The following JPH4 variants were observed in gnomAD, a reference collection of about 807,000 sequenced individuals.
JPH4 encodes the protein junctophilin-4.
JPH4 carries 18 observed loss-of-function variants against 57.6 expected under a neutral mutation model. That is an observed-to-expected ratio of 0.31 (90% CI 0.22 to 0.46). The LOEUF is 0.46. Among genes scored for constraint, JPH4 ranks in the 20% least tolerant of loss-of-function variants. The pLI is 1.00. For synonymous variants in JPH4, 425 were observed against 406.6 expected (o/e 1.05, Z -0.54); for missense variants, 727 against 911.1 (o/e 0.80, Z 2.60).
Position 23,569,503 on chromosome 14 carries a change from C to T in JPH4, c.*131G>A. The T allele has an allele frequency of 1.4e-6, 1 of 695,498 alleles. No homozygotes were observed. The highest frequency in any genetic ancestry group is 2.6e-6 in the Non-Finnish European group (1 of 387,616). 43.1% of individuals were successfully genotyped at this position (695,498 alleles called of 1,614,324 possible). On this transcript the variant is annotated 3_prime_UTR_variant, in exon 6 of 6. Coordinates refer to ENST00000356300, the MANE Select transcript of JPH4 (RefSeq NM_001146028.2). This position sits in a 1 kb window ranked among gnomAD's most constrained non-coding sequence, Gnocchi z 4.8. ...AAAGCGAGAGAAAAAAACAAAGGAG[C>T]ACAGAAAAGAAAGGAAGAAGAGAAA...
chr14:23,569,753 G>C lies in JPH4; in HGVS notation c.1804-36C>G. On this transcript the variant is annotated intron_variant, in intron 5 of 5. Coordinates refer to ENST00000356300, the MANE Select transcript of JPH4 (RefSeq NM_001146028.2). This position sits in a 1 kb window ranked among gnomAD's most constrained non-coding sequence, Gnocchi z 4.8. ...AGAGGGGGAAGCAGACTCAGTCCCC[G>C]AGGACAGGGCCCACCTTCCTGCCCT... 1 of 1,428,694 alleles carries C rather than the reference G, an allele frequency of 7.0e-7. No homozygotes were observed. The allele number at this position is 1,428,694 out of a possible 1,614,324, so 88.5% of individuals were successfully genotyped here.
rs768893096 is a variant in JPH4 at position 23,571,815 on chromosome 14, C to T, written c.1257G>A (p.Met419Ile). Residue 419 changes from methionine to isoleucine, a missense_variant, in exon 4 of 6, where the codon ATG becomes ATA. This residue lies in a region of JPH4 where 293 missense variants were observed against 279.8 expected (regional missense o/e 1.05). Coordinates refer to ENST00000356300, the MANE Select transcript of JPH4 (RefSeq NM_001146028.2). This position sits in a 1 kb window ranked among gnomAD's most constrained non-coding sequence, Gnocchi z 4.6. ...AKLIAQDLQPMLEAPGRRPRQ... is the reference protein window; with the variant it reads ...AKLIAQDLQPILEAPGRRPRQ... ...TCCATGCCTCACCTGGGGCCTCTAG[C>T]ATGGGCTGCAGGTCCTGGGCTATCA... 2.5e-6 allele frequency: 4 copies of T among 1,612,588 alleles called. No homozygotes were observed. The African/African-American group carries it at 5.3e-5, about 22-fold the overall frequency.
In JPH4 at chr14:23,571,268, G is replaced by C. The variant is rs781359993; in HGVS notation, c.1463C>G (p.Pro488Arg). The C allele has an allele frequency of 4.4e-6, 7 of 1,605,546 alleles. No homozygotes were observed. The South Asian group carries it at 7.8e-5, about 18-fold the overall frequency. ...SPLPPGGDQG[P>R]FSSPKAWPEE... The stretch of plus-strand genomic sequence containing the variant: ...AGGCCAAGCTTTGGGGCTGGAGAAG[G>C]GACCCTGGTCCCCTCCAGGAGGCAG... Residue 488 changes from proline (P) to arginine (R), a missense_variant, in exon 5 of 6, where the codon CCC becomes CGC. Pro to Arg is a moderately radical substitution (Grantham distance 103). Coordinates refer to ENST00000356300, the MANE Select transcript of JPH4 (RefSeq NM_001146028.2). This position sits in a 1 kb window ranked among gnomAD's most constrained non-coding sequence, Gnocchi z 4.6.
In JPH4 at chr14:23,576,505, C is replaced by A. The variant is rs10151899; in HGVS notation, c.380-49G>T. 26,100 of 1,340,376 alleles carry A rather than the reference C, an allele frequency of 0.019. 486 individuals carry two copies. The highest frequency in any genetic ancestry group is 0.093 in the South Asian group (5,113 of 54,698). The allele number at this position is 1,340,376 out of a possible 1,614,324, so 83.0% of individuals were successfully genotyped here. A position where few individuals can be genotyped will look rare whatever the true frequency, so the allele number is the denominator to read the frequency against. ...GAAAGAGTCAGGACGTGCCGCTGGG[C>A]TCCTTGCGCCCCAAGTCCCAAGCGC... On this transcript the variant is annotated intron_variant, in intron 2 of 5. Coordinates refer to ENST00000356300, the MANE Select transcript of JPH4 (RefSeq NM_001146028.2). This position sits in a 1 kb window ranked among gnomAD's most constrained non-coding sequence, Gnocchi z 8.0.
Position 23,576,057 on chromosome 14 carries a change from G to A in JPH4, c.779C>T (p.Ser260Leu), listed in dbSNP as rs1889264948. Residue 260 changes from serine (S) to leucine (L), a missense_variant, in exon 3 of 6, where the codon TCG becomes TTG. Coordinates refer to ENST00000356300, the MANE Select transcript of JPH4 (RefSeq NM_001146028.2). The surrounding 1 kb of genome is among the most constrained non-coding windows in gnomAD (Gnocchi z 8.0). The part of the protein sequence containing the change: ...SEVGSTGPPG[S>L]EASGPPAAAP... ...TGCGGCCGGGGGCCCGCTGGCCTCC[G>A]AGCCGGGCGGTCCGGTGCTGCCCAC... 4.6e-6 allele frequency: 6 copies of A among 1,317,544 alleles called. No homozygotes were observed. The highest frequency in any genetic ancestry group is 4.8e-6 in the Non-Finnish European group (5 of 1,039,052). The allele number at this position is 1,317,544 out of a possible 1,614,324, so 81.6% of individuals were successfully genotyped here.
chr14:23,568,777 G>A lies in JPH4; in HGVS notation c.*857C>T, dbSNP rs1888932151. The A allele has an allele frequency of 2.0e-6, 2 of 985,640 alleles. No individual in the cohort carries two copies. The highest frequency in any genetic ancestry group is 1.7e-5 in the African/African-American group (1 of 57,164). 61.1% of individuals were successfully genotyped at this position (985,640 alleles called of 1,614,324 possible). A position where few individuals can be genotyped will look rare whatever the true frequency, so the allele number is the denominator to read the frequency against. ...TTAGGAATTTAATCAAAGGCCACAA[G>A]TGAGTCCAGACCAACCAAATAAACT... On this transcript the variant is annotated 3_prime_UTR_variant, in exon 6 of 6. Coordinates refer to ENST00000356300, the MANE Select transcript of JPH4 (RefSeq NM_001146028.2).
At position 23,575,906 on chromosome 14, in the gene JPH4, C is replaced by A; in HGVS notation, c.930G>T (p.Leu310=). ...SNGLRYEGEW[L]GNRRHGYGRT... is the part of the protein sequence containing the mutation. ...GCCCGTAGCCGTGCCGCCGGTTGCC[C>A]AGCCACTCGCCCTCGTAGCGCAGCC... is the stretch of plus-strand genomic sequence containing the variant. The change falls in exon 3 of 6, where the codon CTG becomes CTT. Residue 310 remains leucine (L), a synonymous_variant. Coordinates refer to ENST00000356300, the MANE Select transcript of JPH4 (RefSeq NM_001146028.2). This position sits in a 1 kb window ranked among gnomAD's most constrained non-coding sequence, Gnocchi z 6.9. 6.4e-7 allele frequency: 1 copy of A among 1,573,380 alleles called. No individual in the cohort carries two copies. The highest frequency in any genetic ancestry group is 2.3e-5 in the East Asian group (1 of 44,082).
In JPH4 at chr14:23,576,930, A is replaced by T; in HGVS notation, c.379+145T>A. On this transcript the variant is annotated intron_variant, in intron 2 of 5. Coordinates refer to ENST00000356300, the MANE Select transcript of JPH4 (RefSeq NM_001146028.2). This position sits in a 1 kb window ranked among gnomAD's most constrained non-coding sequence, Gnocchi z 8.0. The stretch of plus-strand genomic sequence containing the variant: ...ATAATCATGGTGGGAGAGAGCAGAA[A>T]TTGGGGGCTGGGGGTCACATCGATG... 1 of 964,338 alleles carries T rather than the reference A, an allele frequency of 1.0e-6. No homozygotes were observed. Among genetic ancestry groups the T allele is most frequent in the South Asian group, 2.0e-5 (1 of 50,710 alleles). 59.7% of individuals were successfully genotyped at this position (964,338 alleles called of 1,614,324 possible). A position where few individuals can be genotyped will look rare whatever the true frequency, so the allele number is the denominator to read the frequency against.
intron 3 of JPH4, among the ~76,000 whole-genome samples, chr14:23,574,131 G>C (rs1000794867): frequency 1.3e-5 from 2 of 151,626 alleles, no homozygotes; most frequent in African/African-American, 4.8e-5. Flanking sequence ...GTATAAATAA[G>C]GGGTCTATGA....
chr14:23,568,486 G>A lies in JPH4; in HGVS notation c.*1148C>T. The A allele has an allele frequency of 1.0e-6, 1 of 985,768 alleles. No homozygotes were observed. The highest frequency in any genetic ancestry group is 1.2e-6 in the Non-Finnish European group (1 of 829,982). 61.1% of individuals were successfully genotyped at this position (985,768 alleles called of 1,614,324 possible). ...TGACTCCCACCTCTGCCCTGCCTGG[G>A]AAGCATGTGAGATCAGCTATCTTTG... On this transcript the variant is annotated 3_prime_UTR_variant, in exon 6 of 6. Transcript: ENST00000356300.
At position 23,568,796 on chromosome 14, in the gene JPH4, A is replaced by G. The variant is rs1888935796; in HGVS notation, c.*838T>C. 1.9e-5 allele frequency: 19 copies of G among 985,910 alleles called. No individual in the cohort carries two copies. The highest frequency in any genetic ancestry group is 2.2e-5 in the Non-Finnish European group (18 of 829,998). 61.1% of individuals were successfully genotyped at this position (985,910 alleles called of 1,614,324 possible). ...CCACAAGTGAGTCCAGACCAACCAA[A>G]TAAACTATTATGGGGGAGACAGAAG... is the stretch of plus-strand genomic sequence containing the variant. On this transcript the variant is annotated 3_prime_UTR_variant, in exon 6 of 6. Transcript: ENST00000356300.
Position 23,571,458 on chromosome 14 carries a change from G to C in JPH4, c.1273C>G (p.Arg425Gly). ...DLQPMLEAPG[R>G]RPRQDSEGSD... ...CCTTCTGAGTCCTGCCTGGGTCTGC[G>C]GCCTGGGTAGGGATAGCTGAGAATC... Residue 425 changes from arginine (R) to glycine (G), a missense_variant and splice_region_variant, in exon 5 of 6, where the codon CGC (arginine) becomes GGC (glycine). Transcript: ENST00000356300. The surrounding 1 kb of genome is among the most constrained non-coding windows in gnomAD (Gnocchi z 4.6). The C allele has an allele frequency of 6.3e-7, 1 of 1,598,546 alleles. No homozygotes were observed. Among genetic ancestry groups the C allele is most frequent in the South Asian group, 1.1e-5 (1 of 90,958 alleles).
intron 5 of JPH4, among the ~76,000 whole-genome samples, chr14:23,570,644 G>A (rs1889107453): frequency 6.6e-6 from 1 of 152,170 alleles, no homozygotes; most frequent in South Asian, 2.1e-4. Context: ...AAAGTGTTGG[G>A]ATTACAGGCG....
Position 23,570,910 on chromosome 14 carries a change from A to G in JPH4, c.1803+18T>C. 6.7e-7 allele frequency: 1 copy of G among 1,501,278 alleles called. No homozygotes were observed. Among genetic ancestry groups the G allele is most frequent in the Non-Finnish European group, 8.9e-7 (1 of 1,125,526 alleles). The allele number at this position is 1,501,278 out of a possible 1,614,324, so 93.0% of individuals were successfully genotyped here. ...GCTTTGGGAGAAGAGGGCACACAGC[A>G]GGGACAGAGGATCTCACCGGCTGGG... is the stretch of plus-strand genomic sequence containing the variant. On this transcript the variant is annotated intron_variant, in intron 5 of 5. Transcript: ENST00000356300.
In JPH4 at chr14:23,571,093, C is replaced by T. The variant is rs767926663; in HGVS notation, c.1638G>A (p.Glu546=). Residue 546 remains glutamate (E), a synonymous_variant, in exon 5 of 6, where the codon GAG becomes GAA. Transcript: ENST00000356300. This position sits in a 1 kb window ranked among gnomAD's most constrained non-coding sequence, Gnocchi z 4.6. ...SDSSGSLREE[E]GEDEEPLPPL... ...GGGGCAGGGGCTCTTCATCCTCCCCCTCCTCCTCTCGAAGACTTCCTGAAC... is the reference window on the plus strand; with the variant it reads ...GGGGCAGGGGCTCTTCATCCTCCCCTTCCTCCTCTCGAAGACTTCCTGAAC... 5.0e-6 allele frequency: 8 copies of T among 1,613,760 alleles called. No homozygotes were observed. Among genetic ancestry groups the T allele is most frequent in the Admixed American group, 1.7e-5 (1 of 59,984 alleles).
chr14:23,576,399 C>A lies in JPH4; in HGVS notation c.437G>T (p.Ser146Ile). ...GKRHGYGVRQ[S>I]VPYHQAALLR... ...CAGCGCCGCCTGATGGTAGGGCACACTCTGGCGTACCCCGTAGCCGTGGCG... is the reference window on the plus strand; with the variant it reads ...CAGCGCCGCCTGATGGTAGGGCACAATCTGGCGTACCCCGTAGCCGTGGCG... The change falls in exon 3 of 6, where the codon AGT becomes ATT. Residue 146 changes from serine (S) to isoleucine (I), a missense_variant. Transcript: ENST00000356300. This position sits in a 1 kb window ranked among gnomAD's most constrained non-coding sequence, Gnocchi z 8.0. The A allele has an allele frequency of 7.1e-7, 1 of 1,413,904 alleles. No individual in the cohort carries two copies. 87.6% of individuals were successfully genotyped at this position (1,413,904 alleles called of 1,614,324 possible). A position where few individuals can be genotyped will look rare whatever the true frequency, so the allele number is the denominator to read the frequency against.
chr14:23,577,662 G>A lies in JPH4; in HGVS notation c.-171-38C>T, dbSNP rs1196373136. The A allele has an allele frequency of 2.4e-6, 1 of 422,972 alleles. No individual in the cohort carries two copies. Among genetic ancestry groups the A allele is most frequent in the Non-Finnish European group, 4.1e-6 (1 of 241,444 alleles). 26.2% of individuals were successfully genotyped at this position (422,972 alleles called of 1,614,324 possible). A position where few individuals can be genotyped will look rare whatever the true frequency, so the allele number is the denominator to read the frequency against. On this transcript the variant is annotated intron_variant, in intron 1 of 5. Coordinates refer to ENST00000356300, the MANE Select transcript of JPH4 (RefSeq NM_001146028.2). The surrounding 1 kb of genome is among the most constrained non-coding windows in gnomAD (Gnocchi z 8.4). ...AGGGAGGGGGGCAAGTGGCGAGAGA[G>A]GCCCCTCCTCTTTGCCCGCCGCTCC...
rs1314474814 is a variant in JPH4, at chr14:23,571,164, G to A, written c.1567C>T (p.Pro523Ser). The A allele has an allele frequency of 6.2e-7, 1 of 1,614,084 alleles. No individual in the cohort carries two copies. Among genetic ancestry groups the A allele is most frequent in the South Asian group, 1.1e-5 (1 of 91,082 alleles). ...AGTGGGGAACCGTCTCTGGGCCCTG[G>A]CCCTTGCATCCCAGCCTCATCCTCA... ...EAEDEAGMQG[P>S]GPRDGSPLLG... The change falls in exon 5 of 6, where the codon CCA (proline) becomes TCA (serine). Residue 523 changes from proline to serine, a missense_variant. Coordinates refer to ENST00000356300, the MANE Select transcript of JPH4 (RefSeq NM_001146028.2). The surrounding 1 kb of genome is among the most constrained non-coding windows in gnomAD (Gnocchi z 4.6).
chr14:23,569,697 C>T lies in JPH4; in HGVS notation c.1824G>A (p.Val608=). 1 of 1,551,322 alleles carries T rather than the reference C, an allele frequency of 6.4e-7. No individual in the cohort carries two copies. Among genetic ancestry groups the T allele is most frequent in the Non-Finnish European group, 8.7e-7 (1 of 1,147,180 alleles). ...GGTCCAGGAGGGCCACGGCTCCCAC[C>T]ACCAGGGGGTTGGCAGCTCCCTAGA... The part of the protein sequence containing the change: ...PAQPGAANPL[V]VGAVALLDLS... The change falls in exon 6 of 6, where the codon GTG becomes GTA. Residue 608 remains valine (V), a synonymous_variant. Coordinates refer to ENST00000356300, the MANE Select transcript of JPH4 (RefSeq NM_001146028.2). This position sits in a 1 kb window ranked among gnomAD's most constrained non-coding sequence, Gnocchi z 4.8.
Sources: allele counts gnomAD v4.1 joint callset (sites outside exome capture counted in the v4.1 genomes callset), GRCh38; gene constraint gnomAD v4.1.1; regional missense constraint gnomAD v4.1.1; non-coding constraint Gnocchi (gnomAD v3.1); transcripts MANE v1.5; gene names NCBI Gene and HGNC (gene_info 2026-07-23, HGNC 2026-07-21).